FKBP8: variants seen among roughly 807,000 people sequenced by gnomAD.
The protein encoded by FKBP8 is peptidyl-prolyl cis-trans isomerase FKBP8.
Under a neutral mutation model 41.7 loss-of-function variants are expected in FKBP8, and 5 were observed. That is an observed-to-expected ratio of 0.12 (90% confidence interval 0.06 to 0.25). The LOEUF (loss-of-function observed/expected upper bound fraction) is 0.25, where lower values mean the gene tolerates loss of function less well. FKBP8 is among the 10% of genes least tolerant of loss of function. The pLI, the probability that FKBP8 is intolerant of heterozygous loss-of-function variation, is 1.00. For synonymous variants in FKBP8, 279 were observed against 254.5 expected, an observed-to-expected ratio of 1.10 and a Z score of -0.92; for missense variants, 397 against 563.0, an observed-to-expected ratio of 0.71 and a Z score of 2.98.
In FKBP8 at chr19:18,536,547, G is replaced by T. The variant is rs1976582628; in HGVS notation, c.945+1054C>A. 2.0e-5 allele frequency among the ~76,000 whole-genome samples: 3 copies of T among 152,264 alleles called. No homozygotes were observed. The South Asian group carries it at 6.2e-4, about 32-fold the overall frequency. Reference sequence around the variant, plus strand: ...TTGTATATTTTGGGTAGAGAAGGGGGTCTCCCTATGTTGCCTGGGCTCGTC... The same window carrying T: ...TTGTATATTTTGGGTAGAGAAGGGGTTCTCCCTATGTTGCCTGGGCTCGTC... On this transcript the variant is annotated intron_variant, in intron 6 of 8. Transcript: ENST00000608443.
At chr19:18,543,060 C>T (rs1362070907) in intron 1 of FKBP8, 2 of 323,118 alleles carry the variant, frequency 6.2e-6, no homozygotes, top group Non-Finnish European at 1.2e-5. Flanking sequence ...GCCGTAAACA[C>T]TCCAGTGTCC....
At chr19:18,542,752 A>G in intron 1 of FKBP8, 1 of 473,314 alleles carries the variant, frequency 2.1e-6, no homozygotes, top group South Asian at 1.7e-5. Flanking sequence ...TCGAGGTCCC[A>G]CCACATTCTA....
intron 6 of FKBP8, among the ~76,000 whole-genome samples, chr19:18,533,799 G>A (rs1367882928): frequency 2.0e-5 from 3 of 150,614 alleles, no homozygotes; most frequent in African/African-American, 4.9e-5. Context: ...AAGGTCAGGA[G>A]ATCAAGACCA....
rs1021885162 is a variant in FKBP8 at position 18,539,270 on chromosome 19, T to C, written c.551+101A>G. On this transcript the variant is annotated intron_variant, in intron 4 of 8. Coordinates refer to ENST00000608443, the MANE Select transcript of FKBP8 (RefSeq NM_012181.5). ...CACCTCACCCAGCCTCAGTTTCTTG[T>C]CTATAAAATGGGCAAGTAGATGGGG... 3.7e-6 allele frequency: 4 copies of C among 1,067,516 alleles called. No individual in the cohort carries two copies. The Admixed American group carries it at 6.6e-5, about 18-fold the overall frequency. The allele number at this position is 1,067,516 out of a possible 1,614,324, so 66.1% of individuals were successfully genotyped here. A position where few individuals can be genotyped will look rare whatever the true frequency, so the allele number is the denominator to read the frequency against.
At chr19:18,543,342 C>A (rs1179918079) in intron 1 of FKBP8, 144 bp downstream of exon 1, 1 of 120,404 alleles carries the variant, frequency 8.3e-6, no homozygotes, top group Non-Finnish European at 1.8e-5. Context: ...GCACCCCCGA[C>A]CCCCGTGCCC....
Position 18,537,835 on chromosome 19 carries a change from A to C in FKBP8, c.773-62T>G. 2 of 1,524,208 alleles carry C rather than the reference A, an allele frequency of 1.3e-6. No individual in the cohort carries two copies. 94.4% of individuals were successfully genotyped at this position (1,524,208 alleles called of 1,614,324 possible). A position where few individuals can be genotyped will look rare whatever the true frequency, so the allele number is the denominator to read the frequency against. ...CATGCCACCAGACACCCCGGCACCC[A>C]CCCCTCTGCGGAGGCTGCCTCTCTG... On this transcript the variant is annotated intron_variant, in intron 5 of 8. Coordinates refer to ENST00000608443, the MANE Select transcript of FKBP8 (RefSeq NM_012181.5). This position sits in a 1 kb window ranked among gnomAD's most constrained non-coding sequence, Gnocchi z 4.4.
chr19:18,538,460 G>T lies in FKBP8; in HGVS notation c.552-24C>A. 2 of 1,599,864 alleles carry T rather than the reference G, an allele frequency of 1.3e-6. No individual in the cohort carries two copies. The highest frequency in any genetic ancestry group is 8.5e-7 in the Non-Finnish European group (1 of 1,173,708). ...TGCTAGTTGGGTGGGAGCAGGCAGG[G>T]GCAGCACTCAGACCTGGTGACCCCT... On this transcript the variant is annotated intron_variant, in intron 4 of 8. Coordinates refer to ENST00000608443, the MANE Select transcript of FKBP8 (RefSeq NM_012181.5). The surrounding 1 kb of genome is among the most constrained non-coding windows in gnomAD (Gnocchi z 4.0).
At chr19:18,535,159 A>G (rs1339449141) in intron 6 of FKBP8, among the ~76,000 whole-genome samples, 3 of 152,038 alleles carry the variant, frequency 2.0e-5, no homozygotes, top group Admixed American at 6.6e-5. Flanking sequence ...GGCTCAACCA[A>G]TCCACCTGCC....
intron 8 of FKBP8, 122 bp downstream of exon 8, chr19:18,532,542 T>C: frequency 7.0e-7 from 1 of 1,423,016 alleles, no homozygotes; most frequent in Non-Finnish European, 9.5e-7. Context: ...CTGGGCTCTC[T>C]CCACGTCCCC....
At chr19:18,535,160 TC>T (rs1438254758) in intron 6 of FKBP8, among the ~76,000 whole-genome samples, 1 of 152,128 alleles carries the variant, frequency 6.6e-6, no homozygotes, top group African/African-American at 2.4e-5. Flanking sequence ...GCTCAACCAA[TC>T]CACCTGCCTC....
rs1168959912 is a variant in FKBP8, at chr19:18,537,453, C to T, written c.945+148G>A. ...GAATTGTTGTGACCAGGCCACACTC[C>T]TGCACCCGTCTGGGCCTCAGTTTCT... is the stretch of plus-strand genomic sequence containing the variant. On this transcript the variant is annotated intron_variant, in intron 6 of 8. Coordinates refer to ENST00000608443, the MANE Select transcript of FKBP8 (RefSeq NM_012181.5). This position sits in a 1 kb window ranked among gnomAD's most constrained non-coding sequence, Gnocchi z 4.4. 1 of 687,216 alleles carries T rather than the reference C, an allele frequency of 1.5e-6. No individual in the cohort carries two copies. The highest frequency in any genetic ancestry group is 3.1e-5 in the East Asian group (1 of 32,494). The allele number at this position is 687,216 out of a possible 1,614,324, so 42.6% of individuals were successfully genotyped here.
intron 7 of FKBP8, 148 bp from the exon 8 acceptor site, chr19:18,532,943 G>A (rs1210889300): frequency 8.3e-6 from 11 of 1,328,610 alleles, no homozygotes; most frequent in Non-Finnish European, 1.0e-5. Context: ...AGCAAAGTCA[G>A]GGCTGCTGAC....
rs761750949 is a variant in FKBP8, at chr19:18,537,747, G to C, written c.799C>G (p.Gln267Glu). 4 of 1,613,508 alleles carry C rather than the reference G, an allele frequency of 2.5e-6. No individual in the cohort carries two copies. The highest frequency in any genetic ancestry group is 3.4e-6 in the Non-Finnish European group (4 of 1,179,752). The change falls in exon 6 of 9, where the codon CAG (glutamine) becomes GAG (glutamate). Residue 267 changes from glutamine to glutamate, a missense_variant. Transcript: ENST00000608443. This position sits in a 1 kb window ranked among gnomAD's most constrained non-coding sequence, Gnocchi z 4.4. ...KVDMTFEEEA[Q>E]LLQLKVKCLN... ...CACTTCACCTTCAACTGCAGGAGCTGTGCCTCCTCCTCGAACGTCATGTCC... is the reference window on the plus strand; with the variant it reads ...CACTTCACCTTCAACTGCAGGAGCTCTGCCTCCTCCTCGAACGTCATGTCC...
chr19:18,539,858 A>C, intron 2 of FKBP8, 138 bp from the exon 3 acceptor site: 2 of 976,940 alleles, frequency 2.0e-6, no homozygotes, highest in East Asian at 2.5e-5. Flanking sequence ...GCACAAACCA[A>C]ACTTCCAATG....
At chr19:18,539,484 T>C in intron 3 of FKBP8, 25 bp from the exon 4 acceptor site, 2 of 1,612,566 alleles carry the variant, frequency 1.2e-6, no homozygotes, top group Non-Finnish European at 1.7e-6. Flanking sequence ...GATAGCCAGC[T>C]GTCAGGCAGA....
chr19:18,539,153 C>T (rs183807427), intron 4 of FKBP8, among the ~76,000 whole-genome samples: 7 of 152,202 alleles, frequency 4.6e-5, no homozygotes, highest in African/African-American at 7.2e-5. Context: ...TATAGAGATG[C>T]GGTCTATATT....
rs1202372594 is a variant in FKBP8 at position 18,538,069 on chromosome 19, C to T, written c.772+147G>A. 1.1e-6 allele frequency: 1 copy of T among 879,790 alleles called. No individual in the cohort carries two copies. The highest frequency in any genetic ancestry group is 1.7e-5 in the African/African-American group (1 of 59,562). The allele number at this position is 879,790 out of a possible 1,614,324, so 54.5% of individuals were successfully genotyped here. On this transcript the variant is annotated intron_variant, in intron 5 of 8. Transcript: ENST00000608443. The surrounding 1 kb of genome is among the most constrained non-coding windows in gnomAD (Gnocchi z 4.0). ...GGATATACCACGAGTCTGTAACAGG[C>T]CCTAGCTTAGGGGCAGTTGGGGATC...
Position 18,541,751 on chromosome 19 carries a change from G to C in FKBP8, c.220C>G (p.Arg74Gly), listed in dbSNP as rs371852654. The C allele has an allele frequency of 3.1e-6, 5 of 1,613,768 alleles. No individual in the cohort carries two copies. The highest frequency in any genetic ancestry group is 2.2e-5 in the South Asian group (2 of 91,078). ...EEAEQPGALAREFLAAMEPEP... is the reference protein window; with the variant it reads ...EEAEQPGALAGEFLAAMEPEP... ...GGCTCCATGGCAGCAAGGAACTCTC[G>C]GGCCAGGGCCCCAGGCTGCTCAGCC... The change falls in exon 2 of 9, where the codon CGA becomes GGA. Residue 74 changes from arginine to glycine, a missense_variant. Transcript: ENST00000608443.
At chr19:18,533,975 C>G (rs1414230387) in intron 6 of FKBP8, among the ~76,000 whole-genome samples, 84 of 115,914 alleles carry the variant, frequency 7.2e-4, no homozygotes, top group South Asian at 2.8e-3. Flanking sequence ...TGCCACTGCA[C>G]TCCAGCCTGG....
Sources: allele counts gnomAD v4.1 joint callset (sites outside exome capture counted in the v4.1 genomes callset), GRCh38; gene constraint gnomAD v4.1.1; non-coding constraint Gnocchi (gnomAD v3.1); transcripts MANE v1.5; gene names NCBI Gene and HGNC (gene_info 2026-07-23, HGNC 2026-07-21).